The following TMEM65 variants were observed in gnomAD, a reference collection of about 807,000 sequenced individuals.
TMEM65 encodes the protein transmembrane protein 65.
In TMEM65, 22 loss-of-function variants were observed where a neutral mutation model predicts 25.4. The ratio of observed to expected loss-of-function variants is 0.86; its 90% CI spans 0.62 to 1.23. The LOEUF is 1.23. Among genes scored for constraint, TMEM65 ranks in the 50% most tolerant of loss-of-function variants. The probability of loss-of-function intolerance (pLI) is 0.00; values close to 1 mark genes in which losing one functional copy is unlikely to be tolerated. For missense variants in TMEM65, 262 were observed against 308.2 expected, an observed-to-expected ratio of 0.85 and a Z score of 1.12; for synonymous variants, 132 against 126.2, an observed-to-expected ratio of 1.05 and a Z score of -0.31.
chr8:124,372,348 C>A lies in TMEM65; in HGVS notation c.-191G>T. 6.0e-6 allele frequency: 2 copies of A among 331,388 alleles called. No homozygotes were observed. The highest frequency in any genetic ancestry group is 9.1e-6 in the Non-Finnish European group (2 of 220,660). The allele number at this position is 331,388 out of a possible 1,614,324, so 20.5% of individuals were successfully genotyped here. A position where few individuals can be genotyped will look rare whatever the true frequency, so the allele number is the denominator to read the frequency against. ...TCCTGTTCCGTCCCCACTTCCTTTC[C>A]AAAAGGCCCGCGGCGGCTCCCGCCC... On this transcript the variant is annotated 5_prime_UTR_variant, in exon 1 of 7. Coordinates refer to ENST00000297632, the MANE Select transcript of TMEM65 (RefSeq NM_194291.3).
At chr8:124,344,052 T>C (rs1174870760) in intron 1 of TMEM65, among the ~76,000 whole-genome samples, 1 of 152,242 alleles carries the variant, frequency 6.6e-6, no homozygotes, top group African/African-American at 2.4e-5. Flanking sequence ...AGTGCTTCTC[T>C]AATAGTGGCC....
intron 1 of TMEM65, among the ~76,000 whole-genome samples, chr8:124,358,428 G>A (rs957526444): frequency 4.6e-5 from 7 of 152,140 alleles, no homozygotes; most frequent in African/African-American, 1.7e-4. Flanking sequence ...ACCCAAGCAG[G>A]TATGTAAACA....
chr8:124,368,025 C>A (rs544974442), intron 1 of TMEM65, among the ~76,000 whole-genome samples: 1 of 152,286 alleles, frequency 6.6e-6, no homozygotes, highest in East Asian at 1.9e-4. Context: ...AAACATATCT[C>A]TCATTGTACC....
At chr8:124,340,440 G>A (rs1483331041) in intron 1 of TMEM65, among the ~76,000 whole-genome samples, 1 of 152,136 alleles carries the variant, frequency 6.6e-6, no homozygotes, top group Non-Finnish European at 1.5e-5. Flanking sequence ...TGACCCAAAT[G>A]ATTTTTGAAG....
intron 1 of TMEM65, 78 bp from the exon 2 acceptor site, chr8:124,330,870 C>T: frequency 7.5e-7 from 1 of 1,329,480 alleles, no homozygotes; most frequent in Admixed American, 2.3e-5. Flanking sequence ...AAGAAAATAC[C>T]AGAAGATTTA....
chr8:124,339,155 G>C (rs1052209130), intron 1 of TMEM65, among the ~76,000 whole-genome samples: 9 of 123,368 alleles, frequency 7.3e-5, no homozygotes, highest in Non-Finnish European at 1.4e-4. Context: ...TCGCACCACT[G>C]TACTCCAGCC....
At chr8:124,319,890 A>T (rs765658403) in intron 6 of TMEM65, among the ~76,000 whole-genome samples, 196 bp downstream of exon 6, 14 of 152,328 alleles carry the variant, frequency 9.2e-5, no homozygotes, top group African/African-American at 3.4e-4. Flanking sequence ...ATTTTTTAAA[A>T]ATTAAGTATA....
At chr8:124,330,582 T>A (rs1019876883) in intron 2 of TMEM65, among the ~76,000 whole-genome samples, 166 bp downstream of exon 2, 3 of 152,020 alleles carry the variant, frequency 2.0e-5, no homozygotes, top group Non-Finnish European at 4.4e-5. Context: ...TTGTGTTACA[T>A]CCTTAGCCAA....
intron 1 of TMEM65, among the ~76,000 whole-genome samples, chr8:124,347,984 A>AGGT (rs1358642323): frequency 2.7e-5 from 4 of 150,136 alleles, no homozygotes; most frequent in Non-Finnish European, 5.9e-5. Context: ...TCTGCCTCCC[A>AGGT]GGTTCAAGCG....
intron 6 of TMEM65, among the ~76,000 whole-genome samples, chr8:124,316,598 C>T (rs1022161207): frequency 5.3e-5 from 8 of 152,098 alleles, no homozygotes; most frequent in Non-Finnish European, 1.2e-4. Context: ...ACAATACACA[C>T]GCAGACACAC....
At chr8:124,348,580 T>C (rs144499516) in intron 1 of TMEM65, among the ~76,000 whole-genome samples, 17 of 152,146 alleles carry the variant, frequency 1.1e-4, no homozygotes, top group Admixed American at 1.0e-3. Flanking sequence ...GATAATACTG[T>C]AGAGAAAAAG....
At chr8:124,369,912 T>A (rs1814990021) in intron 1 of TMEM65, among the ~76,000 whole-genome samples, 2 of 152,110 alleles carry the variant, frequency 1.3e-5, no homozygotes, top group Non-Finnish European at 2.9e-5. Context: ...TGATTTAAAC[T>A]TTGATGTTCT....
intron 2 of TMEM65, among the ~76,000 whole-genome samples, chr8:124,328,739 C>T (rs1361885188): frequency 6.6e-6 from 1 of 151,962 alleles, no homozygotes; most frequent in Non-Finnish European, 1.5e-5. Flanking sequence ...TGTACTACGT[C>T]CAAAAAAATA....
At chr8:124,326,935 T>C (rs1372178370) in intron 3 of TMEM65, among the ~76,000 whole-genome samples, 1 of 152,086 alleles carries the variant, frequency 6.6e-6, no homozygotes, top group Non-Finnish European at 1.5e-5. Context: ...GGCTAGACTA[T>C]GTATCAAAAC....
rs1301254291 is a variant in TMEM65 at position 124,312,714 on chromosome 8, G to C, written c.*1246C>G. ...TACTTAAGCCAGAAGTACAAGACTAGAAATAAGTAACTTCAACCTAAAATA... is the reference window on the plus strand; with the variant it reads ...TACTTAAGCCAGAAGTACAAGACTACAAATAAGTAACTTCAACCTAAAATA... On this transcript the variant is annotated 3_prime_UTR_variant, in exon 7 of 7. Coordinates refer to ENST00000297632, the MANE Select transcript of TMEM65 (RefSeq NM_194291.3). The C allele has an allele frequency of 1.3e-5, 2 of 151,472 alleles. No individual in the cohort carries two copies. Among genetic ancestry groups the C allele is most frequent in the Non-Finnish European group, 3.0e-5 (2 of 67,728 alleles). The allele number at this position is 151,472 out of a possible 1,614,324, so 9.4% of individuals were successfully genotyped here.
intron 5 of TMEM65, among the ~76,000 whole-genome samples, chr8:124,321,287 C>T (rs931348086): frequency 2.6e-5 from 4 of 152,058 alleles, no homozygotes; most frequent in Non-Finnish European, 5.9e-5. Flanking sequence ...AAGTAAACTT[C>T]TAAGAAAAAA....
intron 1 of TMEM65, among the ~76,000 whole-genome samples, chr8:124,355,625 C>T (rs1814767956): frequency 6.6e-6 from 1 of 152,210 alleles, no homozygotes; most frequent in African/African-American, 2.4e-5. Flanking sequence ...CTAGTTTTCA[C>T]TGTGTGATAT....
chr8:124,323,894 G>A (rs1022730621), intron 3 of TMEM65, among the ~76,000 whole-genome samples: 4 of 134,964 alleles, frequency 3.0e-5, no homozygotes, highest in Non-Finnish European at 4.9e-5. Context: ...AGCAGCAACG[G>A]CATTTAGTAC....
At chr8:124,329,110 GACA>G (rs5894705) in intron 2 of TMEM65, among the ~76,000 whole-genome samples, 61,879 of 151,330 alleles carry the variant, frequency 0.41, 12,939 homozygotes, top group East Asian at 0.56. Context: ...CAAGATCAAG[GACA>G]ACATTTTTAA....
Sources: gnomAD v4.1 joint callset for allele counts (sites outside exome capture counted in the v4.1 genomes callset) on GRCh38, gnomAD v4.1.1 for gene constraint, MANE v1.5 for transcripts, NCBI Gene and HGNC (gene_info 2026-07-23, HGNC 2026-07-21) for gene names.